SLC25A13: variants seen among roughly 807,000 people sequenced by gnomAD.
SLC25A13 encodes electrogenic aspartate/glutamate antiporter SLC25A13, mitochondrial.
In SLC25A13, 70 loss-of-function variants were observed where a neutral mutation model predicts 85.5. The observed-to-expected ratio is 0.82, with a 90% CI of 0.68 to 1.00. The LOEUF is 1.00. Among genes scored for constraint, SLC25A13 ranks in the 50% least tolerant of loss-of-function variants. The pLI is 0.00. For missense variants in SLC25A13, 765 were observed against 819.8 expected (o/e 0.93, Z 0.82); for synonymous variants, 259 against 288.7 (o/e 0.90, Z 1.04).
chr7:96,135,228 C>G (rs1315224344), intron 14 of SLC25A13, among the ~76,000 whole-genome samples: 1 of 152,156 alleles, frequency 6.6e-6, no homozygotes, highest in Non-Finnish European at 1.5e-5. Context: ...ATGTGTTCAC[C>G]TGAGGGCTGT....
At chr7:96,194,461 A>AAAAAAAG (rs1794984525) in intron 5 of SLC25A13, among the ~76,000 whole-genome samples, 4 of 148,482 alleles carry the variant, frequency 2.7e-5, no homozygotes, top group Admixed American at 6.7e-5. Context: ...AAAAAAAAAA[A>AAAAAAAG]AAAAAAGGAA....
intron 5 of SLC25A13, among the ~76,000 whole-genome samples, chr7:96,197,421 C>A (rs2116678917): frequency 6.6e-6 from 1 of 152,236 alleles, no homozygotes; most frequent in South Asian, 2.1e-4. Flanking sequence ...TGGCCTCACT[C>A]CCTTTTTGCT....
At chr7:96,176,064 G>A (rs1794207745) in intron 11 of SLC25A13, among the ~76,000 whole-genome samples, 1 of 152,112 alleles carries the variant, frequency 6.6e-6, no homozygotes, top group African/African-American at 2.4e-5. Context: ...TTTGTAAGAA[G>A]GTCATGATCT....
chr7:96,132,673 G>C (rs539558518), intron 14 of SLC25A13, among the ~76,000 whole-genome samples: 1 of 152,276 alleles, frequency 6.6e-6, no homozygotes, highest in Admixed American at 6.5e-5. Flanking sequence ...GTTTTGGGTA[G>C]GGTGAATAGG....
rs1791463467 is a variant in SLC25A13 at position 96,120,723 on chromosome 7, A to G, written c.*468T>C. The G allele has an allele frequency of 2.2e-6, 1 of 454,134 alleles. No individual in the cohort carries two copies. The highest frequency in any genetic ancestry group is 4.4e-6 in the Non-Finnish European group (1 of 226,854). 28.1% of individuals were successfully genotyped at this position (454,134 alleles called of 1,614,324 possible). ...TGCTTACAATTTGAAGCCAGGCTGA[A>G]TATATTTGATATATATTTTTTCATT... On this transcript the variant is annotated 3_prime_UTR_variant, in exon 18 of 18. Transcript: ENST00000265631.
intron 4 of SLC25A13, among the ~76,000 whole-genome samples, chr7:96,223,307 A>G (rs912726676): frequency 1.3e-5 from 2 of 152,248 alleles, no homozygotes; most frequent in African/African-American, 4.8e-5. Context: ...TGCACGTAAA[A>G]CATATTTCAT....
At chr7:96,306,920 T>C in intron 1 of SLC25A13, 2 of 994,068 alleles carry the variant, frequency 2.0e-6, no homozygotes, top group East Asian at 2.4e-5. Flanking sequence ...CTTGTGTGCC[T>C]GGAGCCAGTC....
intron 13 of SLC25A13, among the ~76,000 whole-genome samples, chr7:96,165,352 T>A (rs1284353047): frequency 5.3e-5 from 8 of 152,076 alleles, no homozygotes; most frequent in Non-Finnish European, 1.2e-4. Flanking sequence ...TAAGTTTAAA[T>A]CATAAGACTG....
At chr7:96,132,818 G>A (rs1792090799) in intron 14 of SLC25A13, among the ~76,000 whole-genome samples, 1 of 152,130 alleles carries the variant, frequency 6.6e-6, no homozygotes, top group African/African-American at 2.4e-5. Flanking sequence ...AACAGATCTA[G>A]CCACACCCAG....
At chr7:96,207,271 C>T (rs1045055644) in intron 5 of SLC25A13, among the ~76,000 whole-genome samples, 5 of 152,024 alleles carry the variant, frequency 3.3e-5, no homozygotes, top group Non-Finnish European at 7.4e-5. Flanking sequence ...CATAATAATA[C>T]CATGAAAATT....
chr7:96,246,646 C>A (rs1194982665), intron 3 of SLC25A13, among the ~76,000 whole-genome samples: 2 of 152,158 alleles, frequency 1.3e-5, no homozygotes, highest in Non-Finnish European at 2.9e-5. Flanking sequence ...TACTCGGGAA[C>A]ATTTTGGCAT....
At position 96,121,976 on chromosome 7, in the gene SLC25A13, A is replaced by C. The variant is rs780566134; in HGVS notation, c.1613T>G (p.Val538Gly). 6.2e-7 allele frequency: 1 copy of C among 1,614,142 alleles called. No individual in the cohort carries two copies. The highest frequency in any genetic ancestry group is 1.1e-5 in the South Asian group (1 of 91,068). ...AIAGMPAASL[V>G]TPADVIKTRL... ...CGTCTTGATAACATCAGCAGGGGTC[A>C]CTAAAGATGCTGCAGGCATACCTGC... Residue 538 changes from valine to glycine, a missense_variant, in exon 16 of 18, where the codon GTG (valine) becomes GGG (glycine). By Grantham distance (109) the Val-to-Gly change is moderately radical. Coordinates refer to ENST00000265631, the MANE Select transcript of SLC25A13 (RefSeq NM_014251.3).
At chr7:96,241,322 C>A (rs1020970142) in intron 3 of SLC25A13, among the ~76,000 whole-genome samples, 5 of 152,182 alleles carry the variant, frequency 3.3e-5, no homozygotes, top group Non-Finnish European at 7.3e-5. Context: ...AAAAATAATT[C>A]ATAAATGCGT....
intron 6 of SLC25A13, among the ~76,000 whole-genome samples, chr7:96,192,802 C>T (rs1794908680): frequency 6.6e-6 from 1 of 150,826 alleles, no homozygotes; most frequent in Non-Finnish European, 1.5e-5. Flanking sequence ...TTCCTTTTAT[C>T]TTTAAAAAGC....
chr7:96,125,753 G>A (rs548040912), intron 15 of SLC25A13, among the ~76,000 whole-genome samples: 2 of 136,826 alleles, frequency 1.5e-5, no homozygotes, highest in Non-Finnish European at 3.2e-5. Context: ...TTCTAGAGGG[G>A]TTTTTTTTTT....
intron 13 of SLC25A13, among the ~76,000 whole-genome samples, chr7:96,163,472 T>C (rs1262481899): frequency 6.6e-6 from 1 of 152,232 alleles, no homozygotes; most frequent in Non-Finnish European, 1.5e-5. Flanking sequence ...CCTCCCAGGC[T>C]GAGCCCCGTC....
At chr7:96,257,887 C>A (rs1226519636) in intron 3 of SLC25A13, among the ~76,000 whole-genome samples, 3 of 152,176 alleles carry the variant, frequency 2.0e-5, no homozygotes, top group Non-Finnish European at 4.4e-5. Context: ...CGGCTTCATC[C>A]CTGGGATGCA....
At position 96,208,708 on chromosome 7, in the gene SLC25A13, T is replaced by A. The variant is rs1043241858; in HGVS notation, c.468+130A>T. 2.2e-5 allele frequency: 23 copies of A among 1,030,782 alleles called. 1 individual carries two copies. The Middle Eastern group carries it at 6.4e-4, about 28-fold the overall frequency. 63.9% of individuals were successfully genotyped at this position (1,030,782 alleles called of 1,614,324 possible). ...TTTTAGTAGAGACGGGGTTTCACCA[T>A]GTTGGCCAGGATGGTCTCGATCTCC... is the stretch of plus-strand genomic sequence containing the variant. On this transcript the variant is annotated intron_variant, in intron 5 of 17. Coordinates refer to ENST00000265631, the MANE Select transcript of SLC25A13 (RefSeq NM_014251.3).
chr7:96,196,790 C>A (rs972176498), intron 5 of SLC25A13, among the ~76,000 whole-genome samples: 2 of 152,176 alleles, frequency 1.3e-5, no homozygotes, highest in Non-Finnish European at 2.9e-5. Context: ...ACTTTAAAAG[C>A]AGCATTCTGA....
Sources: gnomAD v4.1 joint callset for allele counts (sites outside exome capture counted in the v4.1 genomes callset) on GRCh38, gnomAD v4.1.1 for gene constraint, MANE v1.5 for transcripts, NCBI Gene and HGNC (gene_info 2026-07-23, HGNC 2026-07-21) for gene names.